Variants in TULP4 observed in about 807,000 individuals in gnomAD.
The protein encoded by TULP4 is TUB like protein 4.
TULP4 carries 16 observed loss-of-function variants against 129.0 expected under a neutral mutation model. That is an observed-to-expected ratio of 0.12 (90% CI 0.08 to 0.19). The LOEUF (loss-of-function observed/expected upper bound fraction) is 0.19. Ranked by LOEUF, TULP4 falls within the 10% of genes least tolerant of loss-of-function variation. The probability of loss-of-function intolerance (pLI) is 1.00; values close to 1 mark genes in which losing one functional copy is unlikely to be tolerated. For synonymous variants in TULP4, 998 were observed against 854.0 expected, an observed-to-expected ratio of 1.17 and a Z score of -2.94; for missense variants, 1,842 against 2,059.1, an observed-to-expected ratio of 0.89 and a Z score of 2.04.
intron 6 of TULP4, among the ~76,000 whole-genome samples, chr6:158,468,771 C>G (rs1368814099): frequency 6.6e-6 from 1 of 152,168 alleles, no homozygotes; most frequent in Non-Finnish European, 1.5e-5. Flanking sequence ...GTCCAAGATC[C>G]AGGCACTGAT....
intron 1 of TULP4, among the ~76,000 whole-genome samples, chr6:158,338,629 A>G (rs1376715487): frequency 6.6e-6 from 1 of 152,166 alleles, no homozygotes; most frequent in Non-Finnish European, 1.5e-5. Flanking sequence ...TATTTGTGAC[A>G]TTGAATCAGC....
At chr6:158,461,463 C>T in intron 5 of TULP4, 100 bp from the exon 6 acceptor site, 1 of 1,122,984 alleles carries the variant, frequency 8.9e-7, no homozygotes, top group Non-Finnish European at 1.3e-6. Context: ...TGTATTTGCT[C>T]AGTGTCTGTA....
intron 6 of TULP4, among the ~76,000 whole-genome samples, chr6:158,471,587 A>G (rs1258704390): frequency 6.6e-6 from 1 of 152,230 alleles, no homozygotes; most frequent in Non-Finnish European, 1.5e-5. Flanking sequence ...TCTGTTTTGG[A>G]AGTGAAGTCA....
intron 1 of TULP4, among the ~76,000 whole-genome samples, chr6:158,350,187 C>T (rs890637744): frequency 6.6e-6 from 1 of 151,764 alleles, no homozygotes; most frequent in Non-Finnish European, 1.5e-5. Context: ...GGCAGAGGCT[C>T]TCCTCACTTC....
intron 1 of TULP4, among the ~76,000 whole-genome samples, chr6:158,252,474 C>T (rs761117504): frequency 9.9e-5 from 15 of 152,064 alleles, no homozygotes; most frequent in Non-Finnish European, 1.6e-4. Flanking sequence ...CTCCTGGGTT[C>T]AAGCGATTCT....
In TULP4 at chr6:158,504,053, G is replaced by A. The variant is rs374827236; in HGVS notation, c.4390G>A (p.Val1464Met). The A allele has an allele frequency of 4.0e-5, 65 of 1,609,178 alleles. No individual in the cohort carries two copies. The highest frequency in any genetic ancestry group is 3.3e-4 in the Middle Eastern group (2 of 6,074). ...EDGRLGSQGF[V>M]YVMANKQPLW... The stretch of plus-strand genomic sequence containing the variant: ...CGGGCGGCTGGGCAGCCAAGGCTTC[G>A]TGTACGTGATGGCCAACAAGCAGCC... The change falls in exon 13 of 14, where the codon GTG becomes ATG. Residue 1464 changes from valine to methionine, a missense_variant. Around this residue, in one of 5 missense-constraint regions of TULP4, gnomAD observed 1,089 missense variants for 987.1 expected, o/e 1.10. Transcript: ENST00000367097.
intron 1 of TULP4, among the ~76,000 whole-genome samples, chr6:158,248,126 A>G (rs1225613884): frequency 6.6e-6 from 1 of 152,178 alleles, no homozygotes; most frequent in Admixed American, 6.5e-5. Context: ...CTGTATGTTA[A>G]CAGATTAGAG....
chr6:158,242,640 C>G (rs959847545), intron 1 of TULP4: 72 of 687,212 alleles, frequency 1.0e-4, no homozygotes, highest in Non-Finnish European at 3.8e-5. Flanking sequence ...CAAGGCTTCT[C>G]TGAAACTTCC....
At chr6:158,408,069 G>A (rs750806612) in intron 1 of TULP4, among the ~76,000 whole-genome samples, 3 of 152,144 alleles carry the variant, frequency 2.0e-5, no homozygotes, top group African/African-American at 2.4e-5. Context: ...AACAGATAAC[G>A]GTTAATCATC....
rs750782180 is a variant in TULP4 at position 158,237,952 on chromosome 6, C to T, written n.68+5649C>T. On this transcript the variant is annotated intron_variant and non_coding_transcript_variant, in intron 1 of 1. Coordinates refer to the TULP4 transcript ENST00000620026. The stretch of plus-strand genomic sequence containing the variant: ...TTCTAGGTCACTAATTGCCTCCTCC[C>T]GCCCATATTTGAGCTTGAAGTTTGC... 4.8e-5 allele frequency: 35 copies of T among 726,214 alleles called. No homozygotes were observed. The Middle Eastern group carries it at 1.4e-3, about 28-fold the overall frequency. The allele number at this position is 726,214 out of a possible 1,614,324, so 45.0% of individuals were successfully genotyped here.
At chr6:158,410,796 C>T (rs1778081005) in intron 1 of TULP4, among the ~76,000 whole-genome samples, 1 of 152,074 alleles carries the variant, frequency 6.6e-6, no homozygotes, top group Admixed American at 6.5e-5. Context: ...AATTCTAATA[C>T]AGGATTTTTT....
At chr6:158,338,608 G>A (rs1780100467) in intron 1 of TULP4, among the ~76,000 whole-genome samples, 1 of 152,168 alleles carries the variant, frequency 6.6e-6, no homozygotes, top group Admixed American at 6.5e-5. Flanking sequence ...GCATACTAGA[G>A]GCTGGTTTGA....
At chr6:158,447,304 A>G (rs341133) in intron 3 of TULP4, among the ~76,000 whole-genome samples, 63,312 of 151,912 alleles carry the variant, frequency 0.42, 14,480 homozygotes, top group African/African-American at 0.62. Context: ...TTTGACAGCT[A>G]AAATTTCACC....
At chr6:158,366,754 G>A (rs1780974514) in intron 1 of TULP4, among the ~76,000 whole-genome samples, 1 of 152,222 alleles carries the variant, frequency 6.6e-6, no homozygotes, top group Admixed American at 6.5e-5. Context: ...ATTTGCCATA[G>A]TGAGTGATAC....
intron 1 of TULP4, among the ~76,000 whole-genome samples, chr6:158,334,084 T>A (rs1779978675): frequency 6.6e-6 from 1 of 152,204 alleles, no homozygotes; most frequent in South Asian, 2.1e-4. Flanking sequence ...CCCAGTGAAT[T>A]GCGCATCACA....
At chr6:158,403,810 T>A (rs995027982) in intron 1 of TULP4, among the ~76,000 whole-genome samples, 4 of 152,212 alleles carry the variant, frequency 2.6e-5, no homozygotes, top group Non-Finnish European at 5.9e-5. Context: ...TAGTTCAGGT[T>A]TCTAGCTAAA....
chr6:158,251,134 C>T (rs1396964337), intron 1 of TULP4, among the ~76,000 whole-genome samples: 1 of 152,184 alleles, frequency 6.6e-6, no homozygotes, highest in Non-Finnish European at 1.5e-5. Flanking sequence ...TAATTCCTTT[C>T]TCTTCATTTT....
In TULP4 at chr6:158,312,503, A is replaced by G. The variant is rs1779379656; in HGVS notation, c.-1514A>G. 1 of 170,526 alleles carries G rather than the reference A, an allele frequency of 5.9e-6. No individual in the cohort carries two copies. Among genetic ancestry groups the G allele is most frequent in the Admixed American group, 6.3e-5 (1 of 15,854 alleles). The allele number at this position is 170,526 out of a possible 1,614,324, so 10.6% of individuals were successfully genotyped here. A position where few individuals can be genotyped will look rare whatever the true frequency, so the allele number is the denominator to read the frequency against. On this transcript the variant is annotated 5_prime_UTR_variant, in exon 1 of 14. Coordinates refer to ENST00000367097, the MANE Select transcript of TULP4 (RefSeq NM_020245.5). ...GCTCACACAGTGTTTGTTGCACTTT[A>G]TTTTTCAGTGGGTTTGGTGATTTGG...
intron 1 of TULP4, among the ~76,000 whole-genome samples, chr6:158,331,780 C>CGTATATAT (rs1450332063): frequency 7.7e-4 from 35 of 45,440 alleles, no homozygotes; most frequent in Admixed American, 1.0e-3. Context: ...CGTATATATA[C>CGTATATAT]ACACACACAT....
Sources: allele counts gnomAD v4.1 joint callset (sites outside exome capture counted in the v4.1 genomes callset), GRCh38; gene constraint gnomAD v4.1.1; regional missense constraint gnomAD v4.1.1; transcripts MANE v1.5; gene names NCBI Gene and HGNC (gene_info 2026-07-23, HGNC 2026-07-21).